Variants in MC2R observed in about 807,000 individuals in gnomAD.
MC2R encodes adrenocorticotropic hormone receptor.
Under a neutral mutation model 9.8 loss-of-function variants are expected in MC2R, and 9 were observed. The ratio of observed to expected loss-of-function variants is 0.92; its 90% CI spans 0.55 to 1.60. The LOEUF is 1.60. MC2R is among the 40% of genes most tolerant of loss of function. The probability of loss-of-function intolerance (pLI) is 0.00; values close to 1 mark genes in which losing one functional copy is unlikely to be tolerated. For missense variants in MC2R, 370 were observed against 389.0 expected, an observed-to-expected ratio of 0.95 and a Z score of 0.41; for synonymous variants, 185 against 154.7, an observed-to-expected ratio of 1.20 and a Z score of -1.45.
chr18:13,884,853 G>T lies in MC2R; in HGVS notation c.666C>A (p.Thr222=), dbSNP rs1401738616. ...AGAAGATGAAGACCCCGAGCAGGAT[G>T]GTCAGTGTGATGGCCCCTTTCATGT... The part of the protein sequence containing the change: ...RANMKGAITL[T]ILLGVFIFCW... The change falls in exon 2 of 2, where the codon ACC becomes ACA. Residue 222 remains threonine (T), a synonymous_variant. Transcript: ENST00000327606. 3 of 1,613,980 alleles carry T rather than the reference G, an allele frequency of 1.9e-6. No homozygotes were observed. The highest frequency in any genetic ancestry group is 2.5e-6 in the Non-Finnish European group (3 of 1,180,044).
chr18:13,885,740 A>C lies in MC2R; in HGVS notation c.-128-94T>G, dbSNP rs572107708. ...TAAAGAAACTCTATTCCCTCCATAA[A>C]ATATAAAGAAATCAGTATATTAGAA... On this transcript the variant is annotated intron_variant, in intron 1 of 1. Coordinates refer to ENST00000327606, the MANE Select transcript of MC2R (RefSeq NM_000529.2). 9.4e-4 allele frequency: 522 copies of C among 557,182 alleles called. 1 individual carries two copies. Among genetic ancestry groups the C allele is most frequent in the Non-Finnish European group, 1.4e-3 (422 of 311,670 alleles). The allele number at this position is 557,182 out of a possible 1,614,324, so 34.5% of individuals were successfully genotyped here. A position where few individuals can be genotyped will look rare whatever the true frequency, so the allele number is the denominator to read the frequency against.
At chr18:13,915,279 T>C (rs1413605101) in intron 1 of MC2R, among the ~76,000 whole-genome samples, 3 of 152,224 alleles carry the variant, frequency 2.0e-5, no homozygotes, top group Admixed American at 6.5e-5. Context: ...AAGATTGTTT[T>C]AGCTAGACAA....
intron 1 of MC2R, among the ~76,000 whole-genome samples, chr18:13,907,320 T>C (rs534766697): frequency 1.8e-4 from 27 of 152,328 alleles, no homozygotes; most frequent in South Asian, 8.3e-4. Context: ...GATATCCATA[T>C]GCAGAGGAAT....
Position 13,883,414 on chromosome 18 carries a change from G to A in MC2R, c.*1211C>T, listed in dbSNP as rs1267018339. 1 of 152,188 alleles carries A rather than the reference G, an allele frequency of 6.6e-6. No individual in the cohort carries two copies. Among genetic ancestry groups the A allele is most frequent in the South Asian group, 2.1e-4 (1 of 4,830 alleles). 9.4% of individuals were successfully genotyped at this position (152,188 alleles called of 1,614,324 possible). A position where few individuals can be genotyped will look rare whatever the true frequency, so the allele number is the denominator to read the frequency against. On this transcript the variant is annotated 3_prime_UTR_variant, in exon 2 of 2. Transcript: ENST00000327606. Reference sequence around the variant, plus strand: ...TTGCTGGCATCTTGGCTGATGGGAGGATGACATTTCCCAGTGACTGGGTCT... The same window carrying A: ...TTGCTGGCATCTTGGCTGATGGGAGAATGACATTTCCCAGTGACTGGGTCT...
At chr18:13,907,403 C>T (rs1231501498) in intron 1 of MC2R, among the ~76,000 whole-genome samples, 1 of 152,096 alleles carries the variant, frequency 6.6e-6, no homozygotes, top group Non-Finnish European at 1.5e-5. Flanking sequence ...ATCTAAGACC[C>T]GAAACTATGA....
intron 1 of MC2R, among the ~76,000 whole-genome samples, chr18:13,910,953 C>T (rs1178307415): frequency 6.6e-6 from 1 of 152,220 alleles, no homozygotes; most frequent in African/African-American, 2.4e-5. Context: ...CCAGAAAATG[C>T]TTCCTTTTTG....
rs116595974 is a variant in MC2R, at chr18:13,908,081, C to A, written c.-129+7407G>T. Among the ~76,000 whole-genome samples, 729 of 152,292 alleles carry A rather than the reference C, an allele frequency of 4.8e-3. 2 individuals carry two copies. The highest frequency in any genetic ancestry group is 0.017 in the African/African-American group (697 of 41,550). ...CACATCAAAGAGATATCTGTACTACCATGTTTATTGCAGCATTATTCACGA... is the reference window on the plus strand; with the variant it reads ...CACATCAAAGAGATATCTGTACTACAATGTTTATTGCAGCATTATTCACGA... On this transcript the variant is annotated intron_variant, in intron 1 of 1. Coordinates refer to ENST00000327606, the MANE Select transcript of MC2R (RefSeq NM_000529.2).
intron 1 of MC2R, among the ~76,000 whole-genome samples, chr18:13,914,115 T>C (rs1053530197): frequency 2.6e-5 from 4 of 152,022 alleles, no homozygotes; most frequent in Admixed American, 2.6e-4. Context: ...AGAGGGCAAT[T>C]TGCTGCTGAG....
chr18:13,902,184 T>G (rs542226579), intron 1 of MC2R, among the ~76,000 whole-genome samples: 6 of 152,242 alleles, frequency 3.9e-5, no homozygotes, highest in Admixed American at 3.9e-4. Flanking sequence ...AAAAAGCGTT[T>G]GGTAAAATCC....
chr18:13,884,958 G>A lies in MC2R; in HGVS notation c.561C>T (p.Val187=). The A allele has an allele frequency of 6.2e-7, 1 of 1,614,144 alleles. No homozygotes were observed. Among genetic ancestry groups the A allele is most frequent in the Non-Finnish European group, 8.5e-7 (1 of 1,180,026 alleles). ...TGTGCACATAGAGGCACAGGATGAA[G>A]ACCAGCATCAGCGGGAACAGCGACG... ...TFTSLFPLML[V]FILCLYVHMF... Residue 187 remains valine (V), a synonymous_variant, in exon 2 of 2, where the codon GTC becomes GTT. Transcript: ENST00000327606.
At chr18:13,901,438 G>A (rs1374597958) in intron 1 of MC2R, among the ~76,000 whole-genome samples, 1 of 151,394 alleles carries the variant, frequency 6.6e-6, no homozygotes, top group Admixed American at 6.6e-5. Flanking sequence ...ACAATACAAA[G>A]GATCAAAGAA....
chr18:13,891,881 A>G (rs2045317612), intron 1 of MC2R, among the ~76,000 whole-genome samples: 1 of 152,236 alleles, frequency 6.6e-6, no homozygotes, highest in Non-Finnish European at 1.5e-5. Flanking sequence ...ATTACTGATT[A>G]GTGCTTCTAT....
intron 1 of MC2R, among the ~76,000 whole-genome samples, chr18:13,902,526 G>T (rs996126734): frequency 5.3e-5 from 8 of 152,066 alleles, no homozygotes; most frequent in Non-Finnish European, 1.2e-4. Context: ...ACAGAACCCA[G>T]AAACAGATCC....
chr18:13,900,170 C>T (rs901093946), intron 1 of MC2R, among the ~76,000 whole-genome samples: 1 of 151,886 alleles, frequency 6.6e-6, no homozygotes, highest in Non-Finnish European at 1.5e-5. Context: ...TTTATGCAAA[C>T]AATGTTAAGT....
At chr18:13,889,672 GATC>G (rs1598461512) in intron 1 of MC2R, among the ~76,000 whole-genome samples, 4 of 151,968 alleles carry the variant, frequency 2.6e-5, no homozygotes, top group South Asian at 2.1e-4. Flanking sequence ...TTTTTATATT[GATC>G]ATCATCTTTG....
chr18:13,890,789 C>A (rs1160387871), intron 1 of MC2R, among the ~76,000 whole-genome samples: 4 of 152,158 alleles, frequency 2.6e-5, no homozygotes, highest in African/African-American at 9.7e-5. Context: ...TTCAGAAGTC[C>A]GGTCTCCTTC....
chr18:13,898,303 C>A (rs1042767905), intron 1 of MC2R, among the ~76,000 whole-genome samples: 1 of 152,114 alleles, frequency 6.6e-6, no homozygotes, highest in Non-Finnish European at 1.5e-5. Flanking sequence ...CGGAAAGAGA[C>A]GGGTGAGTGG....
At chr18:13,899,013 A>T (rs189285837) in intron 1 of MC2R, among the ~76,000 whole-genome samples, 11 of 152,340 alleles carry the variant, frequency 7.2e-5, no homozygotes, top group Admixed American at 2.0e-4. Context: ...GACCTTGCCA[A>T]ATAACTAAAT....
In MC2R at chr18:13,894,990, T is replaced by C. The variant is rs1330619817; in HGVS notation, c.-128-9344A>G. On this transcript the variant is annotated intron_variant, in intron 1 of 1. Coordinates refer to ENST00000327606, the MANE Select transcript of MC2R (RefSeq NM_000529.2). ...CTCTCTGCTCTTGGGAAAAGTCTGC[T>C]TTAAGTGTAGATGTCTTGTCTCCTG... 3.3e-5 allele frequency among the ~76,000 whole-genome samples: 5 copies of C among 152,358 alleles called. No homozygotes were observed. The East Asian group carries it at 9.6e-4, about 29-fold the overall frequency.
Sources: allele counts gnomAD v4.1 joint callset (sites outside exome capture counted in the v4.1 genomes callset), GRCh38; gene constraint gnomAD v4.1.1; transcripts MANE v1.5; gene names NCBI Gene and HGNC (gene_info 2026-07-23, HGNC 2026-07-21).